ZNF296: variants seen among roughly 807,000 people sequenced by gnomAD.
The protein encoded by ZNF296 is zinc finger protein 296, also known as zinc finger protein 342.
Under a neutral mutation model 13.2 loss-of-function variants are expected in ZNF296, and 1 was observed. That is an observed-to-expected ratio of 0.08 (90% CI 0.03 to 0.36). The LOEUF is 0.36. Ranked by LOEUF, ZNF296 falls within the 10% of genes least tolerant of loss-of-function variation. ZNF296 has a pLI of 0.99. For missense variants in ZNF296, 555 were observed against 688.2 expected, an observed-to-expected ratio of 0.81 and a Z score of 2.16; for synonymous variants, 303 against 289.0, an observed-to-expected ratio of 1.05 and a Z score of -0.49.
intron 2 of ZNF296, among the ~76,000 whole-genome samples, chr19:45,074,914 TTCAA>T (rs1469621462): frequency 6.6e-6 from 1 of 152,120 alleles, no homozygotes; most frequent in Non-Finnish European, 1.5e-5. Flanking sequence ...CTAAAGCTGA[TTCAA>T]TCAGTCACAA....
intron 2 of ZNF296, among the ~76,000 whole-genome samples, chr19:45,075,136 G>T (rs1600125751): frequency 6.6e-6 from 1 of 152,210 alleles, no homozygotes. Context: ...CGGGTGTCCA[G>T]CACCCGGGAG....
Position 45,076,414 on chromosome 19 carries a change from A to G in ZNF296, c.-41T>C, listed in dbSNP as rs1450502888. On this transcript the variant is annotated 5_prime_UTR_variant, in exon 1 of 3. Coordinates refer to ENST00000303809, the MANE Select transcript of ZNF296 (RefSeq NM_145288.3). The surrounding 1 kb of genome is among the most constrained non-coding windows in gnomAD (Gnocchi z 4.9). ...CGAGCGAGCGGGCGGGCAGGCAGGC[A>G]GGCGGGCGGGCGGAGGACGCACGAG... The G allele has an allele frequency of 8.8e-5, 107 of 1,218,122 alleles. No individual in the cohort carries two copies. Among genetic ancestry groups the G allele is most frequent in the East Asian group, 2.0e-4 (6 of 29,808 alleles). 75.5% of individuals were successfully genotyped at this position (1,218,122 alleles called of 1,614,324 possible).
Position 45,072,150 on chromosome 19 carries a change from G to A in ZNF296, c.879C>T (p.Asp293=). The change falls in exon 3 of 3, where the codon GAC becomes GAT. Residue 293 remains aspartate, a synonymous_variant. Transcript: ENST00000303809. Reference sequence around the variant, plus strand: ...CTGCAGAGGCCTGCTCCTGGCTGGTGTCGGCCATGAGGGGGCTCTGGGGCG... The same window carrying A: ...CTGCAGAGGCCTGCTCCTGGCTGGTATCGGCCATGAGGGGGCTCTGGGGCG... ...QVPPQSPLMA[D]TSQEQASAAP... is the part of the protein sequence containing the mutation. 1 of 1,603,630 alleles carries A rather than the reference G, an allele frequency of 6.2e-7. No homozygotes were observed. The highest frequency in any genetic ancestry group is 8.5e-7 in the Non-Finnish European group (1 of 1,174,490).
rs1038349125 is a variant in ZNF296 at position 45,074,078 on chromosome 19, T to A, written c.449-1498A>T. ...AATAATTTTTAAAGTAATTGAGATA[T>A]CTGGGCATGGTGGCTCATGCCTGTA... is the stretch of plus-strand genomic sequence containing the variant. On this transcript the variant is annotated intron_variant, in intron 2 of 2. Coordinates refer to ENST00000303809, the MANE Select transcript of ZNF296 (RefSeq NM_145288.3). Among the ~76,000 whole-genome samples the A allele has an allele frequency of 1.2e-4, 18 of 150,868 alleles. No individual in the cohort carries two copies. In the East Asian group the frequency reaches 3.6e-3, roughly 30 times the overall value.
At position 45,072,440 on chromosome 19, in the gene ZNF296, G is replaced by GGAGCGGGGC. The variant is rs1470799360; in HGVS notation, c.580_588dup (p.Ala194_Leu196dup). On this transcript the variant is annotated inframe_insertion, in exon 3 of 3. Transcript: ENST00000303809. ...GCTGCAGCCACCTCGGCCAGGCCCA[G>GGAGCGGGGC]GAGCGGGGCCTCCGGGGCCTCTGAT... 1.2e-6 allele frequency: 2 copies of GGAGCGGGGC among 1,612,876 alleles called. No individual in the cohort carries two copies. Among genetic ancestry groups the GGAGCGGGGC allele is most frequent in the East Asian group, 4.5e-5 (2 of 44,878 alleles).
chr19:45,075,914 G>C, intron 1 of ZNF296, 52 bp from the exon 2 acceptor site: 1 of 1,607,378 alleles, frequency 6.2e-7, no homozygotes, highest in Non-Finnish European at 8.5e-7. Context: ...GATGGGGGCT[G>C]AGGGTGCTGA....
chr19:45,071,884 C>T lies in ZNF296; in HGVS notation c.1145G>A (p.Arg382His), dbSNP rs567972762. The T allele has an allele frequency of 2.4e-5, 39 of 1,613,252 alleles. No homozygotes were observed. Among genetic ancestry groups the T allele is most frequent in the South Asian group, 3.3e-5 (3 of 91,088 alleles). Reference sequence around the variant, plus strand: ...GAACTCACAGCTGCCCCCGGGCCCGCGGCTCTTGCCCCCTGACTTGGGCAT... The same window carrying T: ...GAACTCACAGCTGCCCCCGGGCCCGTGGCTCTTGCCCCCTGACTTGGGCAT... ...KKMPKSGGKS[R>H]GPGGSCEFCG... The change falls in exon 3 of 3, where the codon CGC becomes CAC. Residue 382 changes from arginine (R) to histidine (H), a missense_variant. By Grantham distance (29) the Arg-to-His change is conservative (BLOSUM62 0). This residue lies in a region of ZNF296 where 410 missense variants were observed against 548.0 expected (regional missense o/e 0.75). Transcript: ENST00000303809.
rs200392632 is a variant in ZNF296, at chr19:45,071,613, G to A, written c.1416C>T (p.Ala472=). Residue 472 remains alanine (A), a synonymous_variant, in exon 3 of 3, where the codon GCC becomes GCT. Coordinates refer to ENST00000303809, the MANE Select transcript of ZNF296 (RefSeq NM_145288.3). ...GGCTTTCCTGGGCTCAGGCCTCGCC[G>A]GCCGCCTCAGGGTGCTTCTGCCGCA... is the stretch of plus-strand genomic sequence containing the variant. The part of the protein sequence containing the change: ...KHLRQKHPEA[A]GEA The A allele has an allele frequency of 6.1e-4, 926 of 1,516,004 alleles. 3 individuals carry two copies. Among genetic ancestry groups the A allele is most frequent in the East Asian group, 2.3e-3 (102 of 44,156 alleles). The allele number at this position is 1,516,004 out of a possible 1,614,324, so 93.9% of individuals were successfully genotyped here.
rs376478821 is a variant in ZNF296, at chr19:45,072,090, G to T, written c.939C>A (p.Pro313=). Residue 313 remains proline (P), a synonymous_variant, in exon 3 of 3, where the codon CCC becomes CCA. Coordinates refer to ENST00000303809, the MANE Select transcript of ZNF296 (RefSeq NM_145288.3). ...PPEPAVHAAA[P]TSTLPCSGGE... ...CACCGCTGCATGGAAGGGTGCTGGT[G>T]GGGGCAGCAGCATGGACAGCCGGCT... 319 of 1,611,584 alleles carry T rather than the reference G, an allele frequency of 2.0e-4. No homozygotes were observed. The highest frequency in any genetic ancestry group is 2.6e-4 in the Non-Finnish European group (305 of 1,179,258).
At chr19:45,074,896 C>T (rs1439737235) in intron 2 of ZNF296, among the ~76,000 whole-genome samples, 3 of 152,170 alleles carry the variant, frequency 2.0e-5, no homozygotes, top group African/African-American at 7.2e-5. Context: ...ACTCTCCATG[C>T]TCCAGCTCTA....
rs1049175553 is a variant in ZNF296, at chr19:45,071,503, A to C, written c.*98T>G. On this transcript the variant is annotated 3_prime_UTR_variant, in exon 3 of 3. Transcript: ENST00000303809. ...AAAGCCAGAGTCCAGACGGGTGTAA[A>C]TAAAAGGGAAAATTTACTTGGAGAA... 2.0e-6 allele frequency: 3 copies of C among 1,482,598 alleles called. No homozygotes were observed. The highest frequency in any genetic ancestry group is 2.8e-5 in the African/African-American group (2 of 71,332). 91.8% of individuals were successfully genotyped at this position (1,482,598 alleles called of 1,614,324 possible).
rs763368306 is a variant in ZNF296 at position 45,071,694 on chromosome 19, G to A, written c.1335C>T (p.Phe445=). ...MHGMTPGSTR[F]ECPHCHVPFG... ...AGGGCACATGGCAGTGGGGGCACTC[G>A]AAGCGGGTGCTGCCAGGCGTCATGC... The change falls in exon 3 of 3, where the codon TTC becomes TTT. Residue 445 remains phenylalanine, a synonymous_variant. Transcript: ENST00000303809. 1.0e-5 allele frequency: 16 copies of A among 1,584,186 alleles called. No individual in the cohort carries two copies. Among genetic ancestry groups the A allele is most frequent in the Middle Eastern group, 1.7e-4 (1 of 5,912 alleles).
rs149454320 is a variant in ZNF296 at position 45,072,108 on chromosome 19, A to G, written c.921T>C (p.Ala307=). Residue 307 remains alanine (A), a synonymous_variant, in exon 3 of 3, where the codon GCT becomes GCC. Transcript: ENST00000303809. ...TGCTGGTGGGGGCAGCAGCATGGAC[A>G]GCCGGCTCCGGAGGGGCTGCAGAGG... is the stretch of plus-strand genomic sequence containing the variant. ...EQASAAPPEP[A]VHAAAPTSTL... The G allele has an allele frequency of 2.8e-4, 451 of 1,609,598 alleles. 2 individuals are homozygous for G. The African/African-American group carries it at 5.4e-3, about 19-fold the overall frequency.
At chr19:45,074,358 C>T (rs1456512325) in intron 2 of ZNF296, among the ~76,000 whole-genome samples, 3 of 152,148 alleles carry the variant, frequency 2.0e-5, no homozygotes, top group Admixed American at 2.0e-4. Flanking sequence ...AAGACTCCAC[C>T]TCAAAATAAT....
At position 45,076,475 on chromosome 19, in the gene ZNF296, G is replaced by A; in HGVS notation, c.-102C>T. On this transcript the variant is annotated 5_prime_UTR_variant, in exon 1 of 3. Coordinates refer to ENST00000303809, the MANE Select transcript of ZNF296 (RefSeq NM_145288.3). The surrounding 1 kb of genome is among the most constrained non-coding windows in gnomAD (Gnocchi z 4.9). Reference sequence around the variant, plus strand: ...GCGGACCGTGCGCGCTCAGGTGAGTGACTGCGGCGACCCGCCGCGAACTCT... The same window carrying A: ...GCGGACCGTGCGCGCTCAGGTGAGTAACTGCGGCGACCCGCCGCGAACTCT... 2.3e-6 allele frequency: 2 copies of A among 862,408 alleles called. No homozygotes were observed. Among genetic ancestry groups the A allele is most frequent in the Non-Finnish European group, 3.0e-6 (2 of 658,966 alleles). 53.4% of individuals were successfully genotyped at this position (862,408 alleles called of 1,614,324 possible). A position where few individuals can be genotyped will look rare whatever the true frequency, so the allele number is the denominator to read the frequency against.
intron 2 of ZNF296, among the ~76,000 whole-genome samples, chr19:45,075,385 G>A (rs911063062): frequency 6.6e-6 from 1 of 152,200 alleles, no homozygotes; most frequent in Non-Finnish European, 1.5e-5. Flanking sequence ...CCAGCCACCT[G>A]GCCAGTTATT....
intron 2 of ZNF296, among the ~76,000 whole-genome samples, chr19:45,072,939 T>TG (rs1307261524): frequency 1.3e-5 from 2 of 152,154 alleles, no homozygotes; most frequent in East Asian, 1.9e-4. Flanking sequence ...TTAGTAGAGA[T>TG]GGGGGTTTCA....
intron 2 of ZNF296, among the ~76,000 whole-genome samples, chr19:45,074,572 C>G (rs1282924778): frequency 6.6e-6 from 1 of 152,146 alleles, no homozygotes. Flanking sequence ...GATGGGACAA[C>G]CTTTGTGATA....
In ZNF296 at chr19:45,071,880, C is replaced by T. The variant is rs1185656289; in HGVS notation, c.1149G>A (p.Gly383=). Residue 383 remains glycine, a synonymous_variant, in exon 3 of 3, where the codon GGG becomes GGA. Coordinates refer to ENST00000303809, the MANE Select transcript of ZNF296 (RefSeq NM_145288.3). ...CGCAGAACTCACAGCTGCCCCCGGG[C>T]CCGCGGCTCTTGCCCCCTGACTTGG... ...KMPKSGGKSR[G]PGGSCEFCGK... 1 of 1,613,088 alleles carries T rather than the reference C, an allele frequency of 6.2e-7. No homozygotes were observed. Among genetic ancestry groups the T allele is most frequent in the Non-Finnish European group, 8.5e-7 (1 of 1,180,014 alleles).
Sources: allele counts gnomAD v4.1 joint callset (sites outside exome capture counted in the v4.1 genomes callset), GRCh38; gene constraint gnomAD v4.1.1; regional missense constraint gnomAD v4.1.1; non-coding constraint Gnocchi (gnomAD v3.1); transcripts MANE v1.5; gene names NCBI Gene and HGNC (gene_info 2026-07-23, HGNC 2026-07-21).